The following CES2 variants were observed in gnomAD, a reference collection of about 807,000 sequenced individuals.
CES2 encodes carboxylesterase 2, also known as cocaine esterase.
Under a neutral mutation model 52.1 loss-of-function variants are expected in CES2, and 42 were observed. The observed-to-expected ratio is 0.81, with a 90% CI of 0.63 to 1.04. The LOEUF is 1.04. CES2 is among the 50% of genes least tolerant of loss of function. The pLI is 0.00. For synonymous variants in CES2, 277 were observed against 289.6 expected, an observed-to-expected ratio of 0.96 and a Z score of 0.44; for missense variants, 656 against 724.3, an observed-to-expected ratio of 0.91 and a Z score of 1.08.
Position 66,940,692 on chromosome 16 carries a change from C to T in CES2, c.813C>T (p.Ser271=), listed in dbSNP as rs1963341427. 5 of 1,613,934 alleles carry T rather than the reference C, an allele frequency of 3.1e-6. No individual in the cohort carries two copies. Among genetic ancestry groups the T allele is most frequent in the Non-Finnish European group, 3.4e-6 (4 of 1,179,968 alleles). The change falls in exon 5 of 12, where the codon TCC becomes TCT. Residue 271 remains serine (S), a synonymous_variant. Transcript: ENST00000317091. ...TTGCCAGCTCAGCTGATGTCATCTC[C>T]ACGGTGAGTGCCCTCAGCTGAAGAG... is the stretch of plus-strand genomic sequence containing the variant. ...GLIASSADVI[S]TVVANLSACD... is the part of the protein sequence containing the mutation.
At chr16:66,939,991 A>T (rs1020546572) in intron 3 of CES2, among the ~76,000 whole-genome samples, 2 of 152,194 alleles carry the variant, frequency 1.3e-5, no homozygotes, top group Non-Finnish European at 2.9e-5. Context: ...TTGGTGAATT[A>T]TCTGGGGTTA....
At chr16:66,935,734 A>G (rs1186700991) in intron 1 of CES2, 23 bp downstream of exon 1, 8 of 1,598,886 alleles carry the variant, frequency 5.0e-6, no homozygotes, top group Non-Finnish European at 6.8e-6. Flanking sequence ...CGGAGGGGCG[A>G]CAGGGACCGG....
chr16:66,938,342 A>C, intron 2 of CES2, 101 bp downstream of exon 2: 5 of 826,620 alleles, frequency 6.0e-6, no homozygotes, highest in South Asian at 3.0e-5. Flanking sequence ...CTAAACCCCC[A>C]CAGCCAGTTT....
At chr16:66,941,877 G>GA in intron 8 of CES2, 29 bp downstream of exon 8, 1 of 1,613,800 alleles carries the variant, frequency 6.2e-7, no homozygotes, top group South Asian at 1.1e-5. Context: ...CTCGCCAATG[G>GA]AGACGGGCTC....
Position 66,941,120 on chromosome 16 carries a change from A to G in CES2, c.817-4A>G, listed in dbSNP as rs1321860378. 6.2e-7 allele frequency: 1 copy of G among 1,613,764 alleles called. No individual in the cohort carries two copies. On this transcript the variant is annotated splice_region_variant and splice_polypyrimidine_tract_variant and intron_variant, in intron 5 of 11. Transcript: ENST00000317091. ...GAGCCAGCCCCTGCCTGGTCCCTTT[A>G]CAGGTGGTGGCCAACCTGTCTGCCT...
intron 9 of CES2, 114 bp from the exon 10 acceptor site, chr16:66,942,534 C>T: frequency 1.7e-6 from 2 of 1,189,826 alleles, no homozygotes; most frequent in Non-Finnish European, 2.4e-6. Context: ...TGGGGCTCCA[C>T]ACCCCATTGT....
At chr16:66,942,370 A>C in intron 9 of CES2, 121 bp downstream of exon 9, 3 of 1,061,088 alleles carry the variant, frequency 2.8e-6, no homozygotes, top group South Asian at 3.2e-5. Flanking sequence ...GACACTTGAC[A>C]TCCATCATTG....
At chr16:66,936,483 C>CT (rs1444376517) in intron 1 of CES2, among the ~76,000 whole-genome samples, 1 of 151,976 alleles carries the variant, frequency 6.6e-6, no homozygotes, top group African/African-American at 2.4e-5. Flanking sequence ...CTTCATCCCA[C>CT]TACTGCACTC....
In CES2 at chr16:66,935,621, A is replaced by G; in HGVS notation, c.-15A>G. ...GCGTGTCCGCCGGCAGCGAACCGAGACCAGCGAGCCGACCATGCGGCTGCA... is the reference window on the plus strand; with the variant it reads ...GCGTGTCCGCCGGCAGCGAACCGAGGCCAGCGAGCCGACCATGCGGCTGCA... On this transcript the variant is annotated 5_prime_UTR_variant, in exon 1 of 12. Transcript: ENST00000317091. 1.2e-6 allele frequency: 2 copies of G among 1,607,600 alleles called. No homozygotes were observed. The highest frequency in any genetic ancestry group is 1.7e-6 in the Non-Finnish European group (2 of 1,179,912).
At chr16:66,934,483 T>C, upstream of CES2, 1 of 1,392,638 alleles carries the variant, frequency 7.2e-7, no homozygotes. This position sits in a 1 kb window ranked among gnomAD's most constrained non-coding sequence, Gnocchi z 4.1. Flanking sequence ...CACGCCGCGT[T>C]GTGGGTTCTC....
chr16:66,936,664 G>A (rs1041040896), intron 1 of CES2, among the ~76,000 whole-genome samples: 6 of 152,268 alleles, frequency 3.9e-5, no homozygotes, highest in African/African-American at 1.4e-4. Flanking sequence ...CAGAAGCTGG[G>A]GGAGTGTTTC....
chr16:66,942,141 G>GT lies in CES2; in HGVS notation c.1174_1175insT (p.Glu392ValfsTer68). 3.1e-6 allele frequency: 5 copies of GT among 1,612,650 alleles called. No individual in the cohort carries two copies. The highest frequency in any genetic ancestry group is 4.2e-6 in the Non-Finnish European group (5 of 1,178,866). ...TACATTTGGTGACCTGCTGAGGGAG[G>GT]AGTACATTGGGGACAATGGGGATCC... On this transcript the variant is annotated frameshift_variant, in exon 9 of 12. Coordinates refer to ENST00000317091, the MANE Select transcript of CES2 (RefSeq NM_001365405.1). LOFTEE classifies it high-confidence loss of function.
chr16:66,938,570 C>T (rs576138277), intron 2 of CES2, among the ~76,000 whole-genome samples: 4 of 152,312 alleles, frequency 2.6e-5, no homozygotes, highest in African/African-American at 9.6e-5. Flanking sequence ...GGGAAAGGTT[C>T]GGGTTGGCTC....
rs1963419868 is a variant in CES2, at chr16:66,943,790, G to A, written c.1494-49G>A. 1.4e-6 allele frequency: 2 copies of A among 1,472,602 alleles called. No individual in the cohort carries two copies. The highest frequency in any genetic ancestry group is 2.4e-5 in the East Asian group (1 of 42,510). The allele number at this position is 1,472,602 out of a possible 1,614,324, so 91.2% of individuals were successfully genotyped here. ...CAGGGTGCTCAGGTCTGGGCTTCGG[G>A]GGCCCAGAGTGACCCTCATACTGCC... On this transcript the variant is annotated intron_variant, in intron 11 of 11. Transcript: ENST00000317091. The surrounding 1 kb of genome is among the most constrained non-coding windows in gnomAD (Gnocchi z 4.2).
In CES2 at chr16:66,942,647, G is replaced by T. The variant is rs757763844; in HGVS notation, c.1283-1G>T. The T allele has an allele frequency of 6.2e-7, 1 of 1,614,084 alleles. No homozygotes were observed. On this transcript the variant is annotated splice_acceptor_variant, in intron 9 of 11. Coordinates refer to ENST00000317091, the MANE Select transcript of CES2 (RefSeq NM_001365405.1). LOFTEE classifies it high-confidence loss of function. ...CGTGTCATGGGCTGTCCACCCCACA[G>T]GTTCCCGGGCCCCTGTGTACTTCTA...
At chr16:66,942,912 A>T in intron 10 of CES2, 127 bp downstream of exon 10, 2 of 1,485,938 alleles carry the variant, frequency 1.3e-6, no homozygotes, top group Non-Finnish European at 1.8e-6. Context: ...CAGGTGTCCA[A>T]GGTTTTATAG....
Position 66,943,703 on chromosome 16 carries a change from A to C in CES2, c.1494-136A>C. The C allele has an allele frequency of 1.5e-6, 1 of 675,958 alleles. No homozygotes were observed. The highest frequency in any genetic ancestry group is 2.5e-6 in the Non-Finnish European group (1 of 400,876). The allele number at this position is 675,958 out of a possible 1,614,324, so 41.9% of individuals were successfully genotyped here. ...GAGGGAGCTTATTTCCTGTTTCTGG[A>C]AGCCTCCCCACTCATTCCCCAAGCC... is the stretch of plus-strand genomic sequence containing the variant. On this transcript the variant is annotated intron_variant, in intron 11 of 11. Coordinates refer to ENST00000317091, the MANE Select transcript of CES2 (RefSeq NM_001365405.1). The surrounding 1 kb of genome is among the most constrained non-coding windows in gnomAD (Gnocchi z 4.2).
In CES2 at chr16:66,943,265, C is replaced by T. The variant is rs976241236; in HGVS notation, c.1421-34C>T. 1 of 1,607,730 alleles carries T rather than the reference C, an allele frequency of 6.2e-7. No homozygotes were observed. The highest frequency in any genetic ancestry group is 1.1e-5 in the South Asian group (1 of 90,780). ...ACCTGGGATGCTGAGGTTGGACATC[C>T]TGATGAAGACACATGTCCTCTTCCT... On this transcript the variant is annotated intron_variant, in intron 10 of 11. Transcript: ENST00000317091. This position sits in a 1 kb window ranked among gnomAD's most constrained non-coding sequence, Gnocchi z 4.2.
intron 8 of CES2, 118 bp from the exon 9 acceptor site, chr16:66,941,987 G>T: frequency 6.6e-7 from 1 of 1,513,504 alleles, no homozygotes; most frequent in Non-Finnish European, 9.0e-7. Context: ...TAGGGGTGGG[G>T]TCACCTCAGA....
Sources: gnomAD v4.1 joint callset for allele counts (sites outside exome capture counted in the v4.1 genomes callset) on GRCh38, gnomAD v4.1.1 for gene constraint, Gnocchi (gnomAD v3.1) non-coding constraint, MANE v1.5 for transcripts, NCBI Gene and HGNC (gene_info 2026-07-23, HGNC 2026-07-21) for gene names.